DGKB: variants seen among roughly 807,000 people sequenced by gnomAD.
DGKB encodes the protein 90 kDa diacylglycerol kinase.
A neutral mutation model predicts 114.3 loss-of-function variants in DGKB; 67 were observed. The observed-to-expected ratio is 0.59, with a 90% CI of 0.48 to 0.72. DGKB has a LOEUF of 0.72. Ranked by LOEUF, DGKB falls within the 30% of genes least tolerant of loss-of-function variation. DGKB has a pLI of 0.00. For synonymous variants in DGKB, 398 were observed against 323.1 expected (o/e 1.23, Z -2.49); for missense variants, 907 against 975.2 (o/e 0.93, Z 0.93).
chr7:14,829,028 T>C (rs962610118), intron 2 of DGKB, among the ~76,000 whole-genome samples: 1 of 152,040 alleles, frequency 6.6e-6, no homozygotes, highest in Non-Finnish European at 1.5e-5. Flanking sequence ...ATAGAAATGG[T>C]TCACGAGGCA....
intron 20 of DGKB, among the ~76,000 whole-genome samples, chr7:14,528,878 A>G (rs941404112): frequency 3.9e-5 from 6 of 152,024 alleles, no homozygotes; most frequent in African/African-American, 1.2e-4. Flanking sequence ...ATTTCTTTAA[A>G]AAATTGCTGT....
chr7:14,500,262 T>G, intron 20 of DGKB, among the ~76,000 whole-genome samples: 1 of 151,982 alleles, frequency 6.6e-6, no homozygotes, highest in Non-Finnish European at 1.5e-5. Context: ...ACTATAAGTT[T>G]TCTTAAACTT....
At chr7:14,913,060 T>C (rs528558454) in intron 1 of DGKB, among the ~76,000 whole-genome samples, 3 of 152,140 alleles carry the variant, frequency 2.0e-5, no homozygotes, top group South Asian at 4.2e-4. Context: ...AGAAAGGTGG[T>C]GCTGGTTAGC....
chr7:14,847,056 C>G (rs1027300195), intron 1 of DGKB, among the ~76,000 whole-genome samples: 1 of 152,084 alleles, frequency 6.6e-6, no homozygotes, highest in East Asian at 1.9e-4. Flanking sequence ...TTTGGGAGGC[C>G]GAGGCGGGCG....
At chr7:14,302,978 C>A (rs947618512) in intron 23 of DGKB, among the ~76,000 whole-genome samples, 3 of 152,028 alleles carry the variant, frequency 2.0e-5, no homozygotes, top group Non-Finnish European at 4.4e-5. Context: ...TCTATTATAC[C>A]ATGGGTGGTA....
intron 1 of DGKB, among the ~76,000 whole-genome samples, chr7:14,941,000 G>A (rs1337160348): frequency 6.6e-6 from 1 of 151,966 alleles, no homozygotes; most frequent in African/African-American, 2.4e-5. Flanking sequence ...GAATATAAAT[G>A]TATTATTGAA....
intron 5 of DGKB, among the ~76,000 whole-genome samples, chr7:14,725,664 C>T (rs115330438): frequency 0.045 from 6,885 of 151,946 alleles, 517 homozygotes; most frequent in African/African-American, 0.16. Flanking sequence ...TCTCCCACCT[C>T]AGCCTCCAAG....
chr7:14,165,035 C>T (rs1292456777), intron 25 of DGKB, among the ~76,000 whole-genome samples: 13 of 151,974 alleles, frequency 8.6e-5, no homozygotes, highest in Admixed American at 7.2e-4. Flanking sequence ...AAGACAAGAC[C>T]GTGGATTCCA....
chr7:14,283,228 C>T lies in DGKB; in HGVS notation c.2122+55287G>A, dbSNP rs374663966. Among the ~76,000 whole-genome samples, 101 of 151,650 alleles carry T rather than the reference C, an allele frequency of 6.7e-4. 1 individual carries two copies. In the South Asian group the frequency reaches 0.011, roughly 17 times the overall value. The stretch of plus-strand genomic sequence containing the variant: ...TTCCTATACACCAACCACAGACAAA[C>T]AGAGAGCCAAATCATGAGTGAACTC... On this transcript the variant is annotated intron_variant, in intron 23 of 25. Transcript: ENST00000402815.
At chr7:14,704,236 C>T (rs1825735820) in intron 6 of DGKB, among the ~76,000 whole-genome samples, 1 of 149,658 alleles carries the variant, frequency 6.7e-6, no homozygotes, top group Admixed American at 6.7e-5. Flanking sequence ...GAGATCGAGA[C>T]CATCCTGTCT....
chr7:14,966,266 G>A (rs1416121515), intron 1 of DGKB, among the ~76,000 whole-genome samples: 1 of 151,984 alleles, frequency 6.6e-6, no homozygotes, highest in South Asian at 2.1e-4. Context: ...CCAGTCTTAA[G>A]AGGCTTTTTT....
chr7:14,170,375 T>C (rs1780815421), intron 25 of DGKB, among the ~76,000 whole-genome samples: 2 of 152,124 alleles, frequency 1.3e-5, no homozygotes, highest in Admixed American at 6.5e-5. Flanking sequence ...ATAATAACTT[T>C]ACTGACATCT....
At chr7:14,246,548 A>C (rs1794506940) in intron 23 of DGKB, among the ~76,000 whole-genome samples, 2 of 152,152 alleles carry the variant, frequency 1.3e-5, no homozygotes, top group South Asian at 4.1e-4. Flanking sequence ...CTAAGTAACA[A>C]ATTATAAAGA....
chr7:14,667,865 A>G (rs1439272271), intron 13 of DGKB, among the ~76,000 whole-genome samples: 3 of 152,144 alleles, frequency 2.0e-5, no homozygotes, highest in Admixed American at 6.6e-5. Flanking sequence ...CTAGGTGGGC[A>G]AAATTTTAAA....
intron 21 of DGKB, among the ~76,000 whole-genome samples, chr7:14,410,660 C>A (rs903880224): frequency 3.3e-5 from 5 of 151,902 alleles, no homozygotes; most frequent in Admixed American, 3.3e-4. Flanking sequence ...TGTGCACATA[C>A]GTATCCCACA....
At chr7:14,520,308 T>A (rs6979330) in intron 20 of DGKB, among the ~76,000 whole-genome samples, 64,215 of 149,192 alleles carry the variant, frequency 0.43, 14,636 homozygotes, top group East Asian at 0.72. Context: ...TTTTCTCTAC[T>A]ATTTTTCAAC....
intron 20 of DGKB, among the ~76,000 whole-genome samples, chr7:14,569,668 A>C (rs1798088971): frequency 6.6e-6 from 1 of 152,130 alleles, no homozygotes; most frequent in African/African-American, 2.4e-5. Context: ...TAGCATGTAT[A>C]ATTTAGTAAA....
At chr7:14,799,597 C>T (rs1841870551) in intron 2 of DGKB, among the ~76,000 whole-genome samples, 1 of 152,190 alleles carries the variant, frequency 6.6e-6, no homozygotes, top group South Asian at 2.1e-4. Flanking sequence ...AAAGTTGTTG[C>T]ATTTGGCTCT....
intron 23 of DGKB, among the ~76,000 whole-genome samples, chr7:14,252,709 A>T (rs1321088380): frequency 6.6e-6 from 1 of 152,040 alleles, no homozygotes; most frequent in African/African-American, 2.4e-5. Flanking sequence ...ATGGGCTTAG[A>T]ACTTAGGTCC....
Sources: allele counts gnomAD v4.1 joint callset (sites outside exome capture counted in the v4.1 genomes callset), GRCh38; gene constraint gnomAD v4.1.1; transcripts MANE v1.5; gene names NCBI Gene and HGNC (gene_info 2026-07-23, HGNC 2026-07-21).